Variants in PVT1 observed in about 807,000 individuals in gnomAD.
The protein encoded by PVT1 is CXCR4/PVT1 fusion.
intron 2 of PVT1, among the ~76,000 whole-genome samples, chr8:127,868,203 G>A (rs985954154): frequency 6.6e-6 from 1 of 152,030 alleles, no homozygotes; most frequent in African/African-American, 2.4e-5. Flanking sequence ...AGAGGTTAGG[G>A]TCCACCTTAG....
chr8:127,853,048 T>G (rs1329683629), intron 2 of PVT1, among the ~76,000 whole-genome samples: 1 of 152,140 alleles, frequency 6.6e-6, no homozygotes, highest in Non-Finnish European at 1.5e-5. Flanking sequence ...CTGGCATAAG[T>G]TTATCGAGCA....
At chr8:127,968,750 T>A (rs1229358092) in intron 3 of PVT1, among the ~76,000 whole-genome samples, 1 of 152,056 alleles carries the variant, frequency 6.6e-6, no homozygotes, top group African/African-American at 2.4e-5. Context: ...CATCTTGGGG[T>A]ATGGTGAGCT....
At chr8:127,914,925 A>C (rs564469023) in intron 3 of PVT1, among the ~76,000 whole-genome samples, 17 of 150,700 alleles carry the variant, frequency 1.1e-4, no homozygotes, top group African/African-American at 4.2e-4. Context: ...TCCTGTGTTC[A>C]AGTGATTCTC....
At chr8:127,887,514 CTTAT>C (rs1190406725) in intron 2 of PVT1, among the ~76,000 whole-genome samples, 1 of 152,190 alleles carries the variant, frequency 6.6e-6, no homozygotes, top group East Asian at 1.9e-4. Context: ...GAAACACTGT[CTTAT>C]TTATTTTATT....
At chr8:128,065,408 A>C (rs1813892752) in intron 4 of PVT1, among the ~76,000 whole-genome samples, 1 of 151,448 alleles carries the variant, frequency 6.6e-6, no homozygotes, top group African/African-American at 2.4e-5. Context: ...CTGGTCTTGA[A>C]CTCCTGACTG....
chr8:127,896,744 T>A (rs1815682015), intron 3 of PVT1, among the ~76,000 whole-genome samples: 1 of 151,622 alleles, frequency 6.6e-6, no homozygotes, highest in Non-Finnish European at 1.5e-5. Flanking sequence ...AAGCCCAGCA[T>A]GCATTAGCTA....
At chr8:128,096,891 G>A (rs972720926) in intron 6 of PVT1, among the ~76,000 whole-genome samples, 5 of 152,226 alleles carry the variant, frequency 3.3e-5, no homozygotes, top group African/African-American at 1.2e-4. Context: ...CCAGGGCTCA[G>A]CATGAGAGCT....
chr8:127,804,057 A>T (rs1395128024), intron 2 of PVT1, among the ~76,000 whole-genome samples: 2 of 151,940 alleles, frequency 1.3e-5, no homozygotes, highest in Non-Finnish European at 2.9e-5. Flanking sequence ...GCTTGGTGGC[A>T]TGTACCTGTA....
chr8:127,868,768 A>C (rs1815312529), intron 2 of PVT1, among the ~76,000 whole-genome samples: 2 of 410 alleles, frequency 4.9e-3, no homozygotes, highest in South Asian at 0.062. Flanking sequence ...CCTTCCTTTT[A>C]ACATATATAT....
chr8:128,041,170 ATG>A (rs1453215658), intron 4 of PVT1, among the ~76,000 whole-genome samples: 5 of 133,738 alleles, frequency 3.7e-5, no homozygotes, highest in African/African-American at 8.7e-5. Flanking sequence ...GTGTTTCTGC[ATG>A]TGTTTGTGTT....
intron 2 of PVT1, among the ~76,000 whole-genome samples, chr8:127,833,578 C>T (rs1259664821): frequency 6.6e-6 from 1 of 152,092 alleles, no homozygotes; most frequent in Non-Finnish European, 1.5e-5. Context: ...CTCAGCCACC[C>T]GAGTAGTTGG....
intron 5 of PVT1, among the ~76,000 whole-genome samples, chr8:128,075,274 A>G (rs964555645): frequency 1.2e-4 from 18 of 152,116 alleles, no homozygotes; most frequent in Non-Finnish European, 1.9e-4. Context: ...AGCACTTGTA[A>G]TATATCTCAT....
chr8:128,082,468 G>T (rs1563682702), intron 5 of PVT1, among the ~76,000 whole-genome samples: 1 of 152,284 alleles, frequency 6.6e-6, no homozygotes, highest in East Asian at 1.9e-4. Flanking sequence ...CCCATCATGG[G>T]GTAGCAACAT....
chr8:127,904,606 C>T (rs998252811), intron 3 of PVT1, among the ~76,000 whole-genome samples: 4 of 152,168 alleles, frequency 2.6e-5, no homozygotes, highest in Admixed American at 1.3e-4. Context: ...GGCAGCAAAC[C>T]GTGGCCCTCC....
At chr8:128,024,452 G>A (rs11787270) in intron 4 of PVT1, among the ~76,000 whole-genome samples, 48,531 of 147,318 alleles carry the variant, frequency 0.33, 8,468 homozygotes, top group South Asian at 0.5. Flanking sequence ...GTGAGACCCT[G>A]TTTCTACAAA....
intron 2 of PVT1, among the ~76,000 whole-genome samples, chr8:127,807,687 AT>A (rs1814542608): frequency 1.3e-5 from 2 of 152,230 alleles, no homozygotes; most frequent in African/African-American, 4.8e-5. Flanking sequence ...GTTTGAAAAT[AT>A]GTAGAAAAGA....
intron 3 of PVT1, chr8:127,940,599 G>C (rs980948182): frequency 6.6e-6 from 1 of 150,808 alleles, no homozygotes; most frequent in African/African-American, 2.4e-5. Flanking sequence ...TTTGTGGGGG[G>C]GGGCGGTGGA....
Position 127,904,960 on chromosome 8 carries a change from T to C in PVT1, n.782+13962T>C, listed in dbSNP as rs116994649. On this transcript the variant is annotated intron_variant and non_coding_transcript_variant, in intron 3 of 10. Coordinates refer to ENST00000651587, the Ensembl canonical transcript of PVT1. ...CAAGGAGCTGGTCCTAGGGCAGGAC[T>C]AAGGTTCAGGCTTCGTATTGACTTC... 5.9e-5 allele frequency among the ~76,000 whole-genome samples: 9 copies of C among 152,338 alleles called. No homozygotes were observed. The East Asian group carries it at 1.7e-3, about 29-fold the overall frequency.
At chr8:127,985,972 C>T (rs1473668679) in intron 3 of PVT1, among the ~76,000 whole-genome samples, 2 of 152,176 alleles carry the variant, frequency 1.3e-5, no homozygotes, top group East Asian at 3.9e-4. Context: ...GCCCCACTGC[C>T]TGGGCCACGT....
Sources: allele counts gnomAD v4.1 joint callset (sites outside exome capture counted in the v4.1 genomes callset), GRCh38; gene constraint gnomAD v4.1.1; transcripts MANE v1.5; gene names NCBI Gene and HGNC (gene_info 2026-07-23, HGNC 2026-07-21).